The following RGS20 variants were observed in gnomAD, a reference collection of about 807,000 sequenced individuals.
RGS20 encodes the protein gz-selective GTPase-activating protein.
In RGS20, 30 loss-of-function variants were observed where a neutral mutation model predicts 33.6. The observed-to-expected ratio is 0.89, with a 90% CI of 0.67 to 1.21. RGS20 has a LOEUF of 1.21. Among genes scored for constraint, RGS20 ranks in the 50% most tolerant of loss-of-function variants. The pLI is 0.00. For synonymous variants in RGS20, 208 were observed against 197.9 expected, an observed-to-expected ratio of 1.05 and a Z score of -0.43; for missense variants, 472 against 502.4, an observed-to-expected ratio of 0.94 and a Z score of 0.58.
intron 2 of RGS20, among the ~76,000 whole-genome samples, chr8:53,902,022 AT>A (rs1275940566): frequency 1.3e-5 from 2 of 151,310 alleles, no homozygotes; most frequent in South Asian, 2.1e-4. Context: ...TCTACTTTTT[AT>A]TTTTTTTTCT....
chr8:53,928,823 C>T (rs1274022927), intron 2 of RGS20, among the ~76,000 whole-genome samples: 5 of 126,034 alleles, frequency 4.0e-5, no homozygotes, highest in African/African-American at 5.9e-5. Context: ...AACTCCGTCT[C>T]AAAAAAAAAA....
intron 2 of RGS20, among the ~76,000 whole-genome samples, chr8:53,924,027 T>C (rs1470623093): frequency 1.4e-5 from 2 of 147,012 alleles, no homozygotes; most frequent in Non-Finnish European, 3.0e-5. Context: ...TTGCAAATAC[T>C]TTTTTTTTTT....
intron 2 of RGS20, among the ~76,000 whole-genome samples, chr8:53,933,458 AG>A (rs954483427): frequency 6.6e-6 from 1 of 152,200 alleles, no homozygotes; most frequent in African/African-American, 2.4e-5. Context: ...AACTTCCTGA[AG>A]CATACACAAG....
At chr8:53,906,814 A>T (rs953027325) in intron 2 of RGS20, among the ~76,000 whole-genome samples, 2 of 152,200 alleles carry the variant, frequency 1.3e-5, no homozygotes, top group African/African-American at 4.8e-5. Context: ...GAACAGGCTT[A>T]AAAAAGTACT....
At chr8:53,880,990 A>G (rs1812354233) in intron 2 of RGS20, 1 of 1,593,630 alleles carries the variant, frequency 6.3e-7, no homozygotes, top group Non-Finnish European at 8.5e-7. Context: ...CCGCGCTGCA[A>G]TATTGAGAAG....
At chr8:53,921,802 T>C (rs927506213) in intron 2 of RGS20, among the ~76,000 whole-genome samples, 3 of 152,184 alleles carry the variant, frequency 2.0e-5, no homozygotes, top group East Asian at 3.8e-4. Flanking sequence ...ACTTTTGGTT[T>C]CATGAATTTT....
intron 2 of RGS20, among the ~76,000 whole-genome samples, chr8:53,884,669 C>G (rs1046253406): frequency 6.6e-6 from 1 of 152,178 alleles, no homozygotes; most frequent in Admixed American, 6.5e-5. Flanking sequence ...CCCCAGGGCT[C>G]TTACACACCA....
At chr8:53,908,145 G>A (rs895517887) in intron 2 of RGS20, among the ~76,000 whole-genome samples, 17 of 152,286 alleles carry the variant, frequency 1.1e-4, no homozygotes, top group South Asian at 1.0e-3. Flanking sequence ...GATGGAAAAC[G>A]TTGGGAGATG....
chr8:53,887,100 C>A, intron 2 of RGS20: 1 of 164,332 alleles, frequency 6.1e-6, no homozygotes. Flanking sequence ...ACTCCAGCAC[C>A]GCATTCATCT....
chr8:53,858,309 T>C (rs756653556), intron 1 of RGS20, among the ~76,000 whole-genome samples: 1 of 152,020 alleles, frequency 6.6e-6, no homozygotes, highest in Non-Finnish European at 1.5e-5. Flanking sequence ...ACCTGTACAC[T>C]CCACTTACAA....
chr8:53,898,538 C>G (rs995166533), intron 2 of RGS20, among the ~76,000 whole-genome samples: 3 of 152,134 alleles, frequency 2.0e-5, no homozygotes, highest in Non-Finnish European at 2.9e-5. Context: ...AATGTCAATT[C>G]ACATTTTTTA....
At position 53,959,141 on chromosome 8, in the gene RGS20, GTTA is replaced by G. The variant is rs1814962416; in HGVS notation, c.*688_*690del. On this transcript the variant is annotated 3_prime_UTR_variant, in exon 6 of 6. Transcript: ENST00000297313. ...AATTCTTTTGTTGAAAAGAGTTACTGTTATTATCAGAATTTGCCAACCTAAAGA... is the reference window on the plus strand; with the variant it reads ...AATTCTTTTGTTGAAAAGAGTTACTGTTATCAGAATTTGCCAACCTAAAGA... The G allele has an allele frequency of 6.6e-6, 1 of 152,134 alleles. No homozygotes were observed. The highest frequency in any genetic ancestry group is 1.5e-5 in the Non-Finnish European group (1 of 68,028). The allele number at this position is 152,134 out of a possible 1,614,324, so 9.4% of individuals were successfully genotyped here. A position where few individuals can be genotyped will look rare whatever the true frequency, so the allele number is the denominator to read the frequency against.
At chr8:53,911,562 T>TCG (rs34215280) in intron 2 of RGS20, among the ~76,000 whole-genome samples, 1 of 151,834 alleles carries the variant, frequency 6.6e-6, no homozygotes, top group Non-Finnish European at 1.5e-5. Flanking sequence ...ATTTAAAATA[T>TCG]AGTCATATGG....
rs1400577298 is a variant in RGS20, at chr8:53,939,583, G to C, written c.518G>C (p.Gly173Ala). The C allele has an allele frequency of 6.3e-7, 1 of 1,587,882 alleles. No individual in the cohort carries two copies. Among genetic ancestry groups the C allele is most frequent in the Non-Finnish European group, 8.6e-7 (1 of 1,167,112 alleles). Residue 173 changes from glycine (G) to alanine (A), a missense_variant, in exon 3 of 6, where the codon GGA becomes GCA. Physicochemically the swap from Gly to Ala is moderately conservative, Grantham distance 60 (BLOSUM62 0). Transcript: ENST00000297313. The stretch of plus-strand genomic sequence containing the variant: ...TTCCTCTCCCTCTTGCAGCAGATGG[G>C]ATCAGAGCGGATGGAGATGCGGAAG...
At chr8:53,889,638 A>G (rs969199778) in intron 2 of RGS20, among the ~76,000 whole-genome samples, 3 of 149,290 alleles carry the variant, frequency 2.0e-5, no homozygotes, top group South Asian at 2.1e-4. Flanking sequence ...CCATTTTTCT[A>G]TTGTGCCGCT....
Position 53,854,261 on chromosome 8 carries a change from G to A in RGS20, c.165+2197G>A, listed in dbSNP as rs150787997. ...CTTCATTAGAATCTAAAAAACTTTT[G>A]TCCTGCCAAAGACTCTATTGAGAGG... On this transcript the variant is annotated intron_variant, in intron 1 of 5. Coordinates refer to ENST00000297313, the MANE Select transcript of RGS20 (RefSeq NM_170587.4). Among the ~76,000 whole-genome samples the A allele has an allele frequency of 9.2e-5, 14 of 152,188 alleles. No homozygotes were observed. In the East Asian group the frequency reaches 2.7e-3, roughly 29 times the overall value.
At chr8:53,853,457 C>T (rs1022812989) in intron 1 of RGS20, among the ~76,000 whole-genome samples, 1 of 152,202 alleles carries the variant, frequency 6.6e-6, no homozygotes, top group African/African-American at 2.4e-5. Flanking sequence ...CCTCACTAAC[C>T]TGTTAACAGG....
chr8:53,883,727 G>A (rs1008176018), intron 2 of RGS20, among the ~76,000 whole-genome samples: 4 of 151,888 alleles, frequency 2.6e-5, no homozygotes, highest in East Asian at 3.9e-4. Context: ...GGTGGATCAC[G>A]TGAGGTCAGG....
chr8:53,894,260 A>C (rs2129278573), intron 2 of RGS20, among the ~76,000 whole-genome samples: 1 of 152,292 alleles, frequency 6.6e-6, no homozygotes, highest in East Asian at 1.9e-4. Context: ...TCAAGTCTGA[A>C]ATTTCTTCAA....
Sources: allele counts gnomAD v4.1 joint callset (sites outside exome capture counted in the v4.1 genomes callset), GRCh38; gene constraint gnomAD v4.1.1; transcripts MANE v1.5; gene names NCBI Gene and HGNC (gene_info 2026-07-23, HGNC 2026-07-21).